Variants in NRROS observed in about 807,000 individuals in gnomAD.
NRROS encodes transforming growth factor beta activator LRRC33.
NRROS carries 6 observed loss-of-function variants against 12.0 expected under a neutral mutation model. The ratio of observed to expected loss-of-function variants is 0.50; its 90% CI spans 0.27 to 0.98. The LOEUF is 0.98. Ranked by LOEUF, NRROS falls within the 50% of genes least tolerant of loss-of-function variation. NRROS has a pLI of 0.11. For synonymous variants in NRROS, 462 were observed against 410.2 expected (o/e 1.13, Z -1.53); for missense variants, 857 against 888.2 (o/e 0.96, Z 0.45).
At position 196,660,272 on chromosome 3, in the gene NRROS, T is replaced by C. The variant is rs749650932; in HGVS notation, c.629T>C (p.Leu210Pro). The C allele has an allele frequency of 1.9e-6, 3 of 1,613,782 alleles. No individual in the cohort carries two copies. Among genetic ancestry groups the C allele is most frequent in the Non-Finnish European group, 2.5e-6 (3 of 1,180,046 alleles). ...GACGGCCTGGCTGAGCTGAGGCACC[T>C]CAACCTGGCCTTCAACAACCTCCCC... ...AFDGLAELRH[L>P]NLAFNNLPCI... The change falls in exon 3 of 3, where the codon CTC (leucine) becomes CCC (proline). Residue 210 changes from leucine to proline, a missense_variant. Physicochemically the swap from Leu to Pro is moderately conservative, Grantham distance 98. Coordinates refer to ENST00000328557, the MANE Select transcript of NRROS (RefSeq NM_198565.3). This position sits in a 1 kb window ranked among gnomAD's most constrained non-coding sequence, Gnocchi z 7.7.
Position 196,661,049 on chromosome 3 carries a change from T to A in NRROS, c.1406T>A (p.Leu469Gln). Residue 469 changes from leucine to glutamine, a missense_variant, in exon 3 of 3, where the codon CTG becomes CAG. Coordinates refer to ENST00000328557, the MANE Select transcript of NRROS (RefSeq NM_198565.3). ...ATGGCATCTTTAAGGAGCCTGTCTCTGGAGGGCTGTGGCCTGGGGGCATTG... is the reference window on the plus strand; with the variant it reads ...ATGGCATCTTTAAGGAGCCTGTCTCAGGAGGGCTGTGGCCTGGGGGCATTG... ...RNMASLRSLSLEGCGLGALPD... is the reference protein window; with the variant it reads ...RNMASLRSLSQEGCGLGALPD... The A allele has an allele frequency of 6.2e-7, 1 of 1,614,178 alleles. No individual in the cohort carries two copies. Among genetic ancestry groups the A allele is most frequent in the Non-Finnish European group, 8.5e-7 (1 of 1,180,026 alleles).
chr3:196,658,910 C>T (rs1034307631), intron 2 of NRROS, among the ~76,000 whole-genome samples: 4 of 152,262 alleles, frequency 2.6e-5, no homozygotes, highest in South Asian at 2.1e-4. Context: ...GCAGAGATTG[C>T]AGTGAGCTGA....
chr3:196,659,455 C>G (rs1316922896), intron 2 of NRROS, among the ~76,000 whole-genome samples: 3 of 151,852 alleles, frequency 2.0e-5, no homozygotes, highest in Non-Finnish European at 4.4e-5. Flanking sequence ...TTACAGGTGT[C>G]CACCACCACA....
chr3:196,660,163 G>A lies in NRROS; in HGVS notation c.520G>A (p.Asp174Asn), dbSNP rs554332354. 6.1e-5 allele frequency: 98 copies of A among 1,612,868 alleles called. No individual in the cohort carries two copies. The highest frequency in any genetic ancestry group is 8.2e-5 in the Non-Finnish European group (97 of 1,180,020). ...LAGNTIMRLD[D>N]SVFEGLERLR... ...GGGGAACACCATCATGCGGCTGGAC[G>A]ACTCCGTCTTCGAGGGCCTGGAGCG... Residue 174 changes from aspartate (D) to asparagine (N), a missense_variant, in exon 3 of 3, where the codon GAC becomes AAC. Coordinates refer to ENST00000328557, the MANE Select transcript of NRROS (RefSeq NM_198565.3). This position sits in a 1 kb window ranked among gnomAD's most constrained non-coding sequence, Gnocchi z 7.7.
chr3:196,659,203 T>C (rs1737606602), intron 2 of NRROS, among the ~76,000 whole-genome samples: 1 of 151,380 alleles, frequency 6.6e-6, no homozygotes, highest in Non-Finnish European at 1.5e-5. Flanking sequence ...AGCCCTGGGC[T>C]CCAGTCCCGG....
Position 196,660,358 on chromosome 3 carries a change from G to C in NRROS, c.715G>C (p.Glu239Gln), listed in dbSNP as rs1294648422. 2.5e-6 allele frequency: 4 copies of C among 1,613,974 alleles called. No homozygotes were observed. The highest frequency in any genetic ancestry group is 1.7e-5 in the Admixed American group (1 of 59,986). ...CCTCAACGTCAGCTACAACGTCCTG[G>C]AGTGGTTCCTCGCGACCGGGGGAGA... ...RVLNVSYNVL[E>Q]WFLATGGEAA... The change falls in exon 3 of 3, where the codon GAG becomes CAG. Residue 239 changes from glutamate to glutamine, a missense_variant. Transcript: ENST00000328557. The surrounding 1 kb of genome is among the most constrained non-coding windows in gnomAD (Gnocchi z 7.7).
chr3:196,661,466 A>T lies in NRROS; in HGVS notation c.1823A>T (p.Gln608Leu). The change falls in exon 3 of 3, where the codon CAG becomes CTG. Residue 608 changes from glutamine (Q) to leucine (L), a missense_variant. Transcript: ENST00000328557. ...GGGGTGGATGGCTGGGGGGCCCTGC[A>T]GCATGGGCAGACGGTGGCCGACTGG... ...CCGVDGWGAL[Q>L]HGQTVADWAM... 6.2e-7 allele frequency: 1 copy of T among 1,602,386 alleles called. No individual in the cohort carries two copies. The highest frequency in any genetic ancestry group is 8.5e-7 in the Non-Finnish European group (1 of 1,172,384).
In NRROS at chr3:196,660,843, C is replaced by T. The variant is rs770749513; in HGVS notation, c.1200C>T (p.Cys400=). 4 of 1,613,734 alleles carry T rather than the reference C, an allele frequency of 2.5e-6. No homozygotes were observed. Among genetic ancestry groups the T allele is most frequent in the Non-Finnish European group, 2.5e-6 (3 of 1,180,032 alleles). ...ELHLAPGLAS[C]LGSLRLFNLS... is the part of the protein sequence containing the mutation. ...ACCTGGCTCCGGGGCTGGCCAGCTG[C>T]CTGGGCAGCCTGCGCTTGTTCAACC... Residue 400 remains cysteine, a synonymous_variant, in exon 3 of 3, where the codon TGC becomes TGT. Transcript: ENST00000328557. The surrounding 1 kb of genome is among the most constrained non-coding windows in gnomAD (Gnocchi z 7.7).
At chr3:196,648,899 C>G (rs1328979789) in intron 1 of NRROS, among the ~76,000 whole-genome samples, 1 of 151,652 alleles carries the variant, frequency 6.6e-6, no homozygotes, top group Non-Finnish European at 1.5e-5. Context: ...CTTTGATTTT[C>G]AAGACTGACT....
intron 1 of NRROS, among the ~76,000 whole-genome samples, chr3:196,640,396 G>T (rs541123380): frequency 6.6e-6 from 1 of 152,324 alleles, no homozygotes; most frequent in East Asian, 1.9e-4. Flanking sequence ...CTGGTTAACA[G>T]CAACACCTAT....
rs951347312 is a variant in NRROS at position 196,661,877 on chromosome 3, G to A, written c.*155G>A. The A allele has an allele frequency of 3.2e-4, 129 of 405,474 alleles. 1 individual carries two copies. Among genetic ancestry groups the A allele is most frequent in the South Asian group, 2.1e-3 (30 of 14,032 alleles). The allele number at this position is 405,474 out of a possible 1,614,324, so 25.1% of individuals were successfully genotyped here. A position where few individuals can be genotyped will look rare whatever the true frequency, so the allele number is the denominator to read the frequency against. On this transcript the variant is annotated 3_prime_UTR_variant, in exon 3 of 3. Coordinates refer to ENST00000328557, the MANE Select transcript of NRROS (RefSeq NM_198565.3). ...ATTCCTCATCGCCCACCCCACCCCC[G>A]CCCCCACCACCGCCCAAGTTCTTTT...
chr3:196,656,527 G>A (rs1185308112), intron 2 of NRROS, among the ~76,000 whole-genome samples: 1 of 152,188 alleles, frequency 6.6e-6, no homozygotes, highest in African/African-American at 2.4e-5. Context: ...GATTAAATGG[G>A]TTAATACATG....
chr3:196,657,505 C>T (rs548513789), intron 2 of NRROS, among the ~76,000 whole-genome samples: 182 of 152,080 alleles, frequency 1.2e-3, no homozygotes, highest in African/African-American at 2.4e-3. Context: ...GTGGATCACC[C>T]GAGGTCAGGG....
chr3:196,651,767 A>G (rs1737432745), intron 1 of NRROS, among the ~76,000 whole-genome samples: 1 of 152,160 alleles, frequency 6.6e-6, no homozygotes, highest in African/African-American at 2.4e-5. Flanking sequence ...ACTCCGTCTC[A>G]AAAAACAAAA....
chr3:196,661,608 C>T lies in NRROS; in HGVS notation c.1965C>T (p.Leu655=), dbSNP rs1737684721. 3.7e-6 allele frequency: 6 copies of T among 1,613,490 alleles called. No individual in the cohort carries two copies. Among genetic ancestry groups the T allele is most frequent in the Non-Finnish European group, 5.1e-6 (6 of 1,180,020 alleles). The change falls in exon 3 of 3, where the codon CTC becomes CTT. Residue 655 remains leucine, a synonymous_variant. Transcript: ENST00000328557. ...RLDLGLLYLV[L]ILPSCLTLLV... ...ACCTGGGCCTGCTCTACCTCGTGCT[C>T]ATCCTCCCCAGCTGCCTCACCCTGC...
At chr3:196,646,725 C>A (rs1048558470) in intron 1 of NRROS, among the ~76,000 whole-genome samples, 14 of 152,204 alleles carry the variant, frequency 9.2e-5, no homozygotes, top group Admixed American at 5.9e-4. Flanking sequence ...TGAATCCCCC[C>A]CCGATGGAGG....
rs750339010 is a variant in NRROS at position 196,660,249 on chromosome 3, C to G, written c.606C>G (p.Asp202Glu). 3 of 1,613,798 alleles carry G rather than the reference C, an allele frequency of 1.9e-6. No individual in the cohort carries two copies. The highest frequency in any genetic ancestry group is 4.5e-5 in the East Asian group (2 of 44,888). ...YIFEIEGGAF[D>E]GLAELRHLNL... Reference sequence around the variant, plus strand: ...TCGAGATCGAGGGCGGCGCTTTCGACGGCCTGGCTGAGCTGAGGCACCTCA... The same window carrying G: ...TCGAGATCGAGGGCGGCGCTTTCGAGGGCCTGGCTGAGCTGAGGCACCTCA... The change falls in exon 3 of 3, where the codon GAC becomes GAG. Residue 202 changes from aspartate (D) to glutamate (E), a missense_variant. Asp to Glu is a conservative substitution (Grantham distance 45, BLOSUM62 2). Coordinates refer to ENST00000328557, the MANE Select transcript of NRROS (RefSeq NM_198565.3). The surrounding 1 kb of genome is among the most constrained non-coding windows in gnomAD (Gnocchi z 7.7).
At position 196,659,748 on chromosome 3, in the gene NRROS, G is replaced by A. The variant is rs199961460; in HGVS notation, c.109-4G>A. On this transcript the variant is annotated splice_region_variant and splice_polypyrimidine_tract_variant and intron_variant, in intron 2 of 2. Transcript: ENST00000328557. ...GCTGCTGACCGGTGTGGTTTTGGCC[G>A]CAGGTGGGTGGAGCCGCTGACTGCC... 1.7e-5 allele frequency: 28 copies of A among 1,602,412 alleles called. No homozygotes were observed. Among genetic ancestry groups the A allele is most frequent in the East Asian group, 2.2e-5 (1 of 44,626 alleles).
chr3:196,642,544 A>G (rs1204251991), intron 1 of NRROS, among the ~76,000 whole-genome samples: 5 of 152,172 alleles, frequency 3.3e-5, no homozygotes, highest in Middle Eastern at 3.2e-3. Flanking sequence ...TCTCCTTTCC[A>G]TGAGTTCTAG....
Sources: allele counts gnomAD v4.1 joint callset (sites outside exome capture counted in the v4.1 genomes callset), GRCh38; gene constraint gnomAD v4.1.1; non-coding constraint Gnocchi (gnomAD v3.1); transcripts MANE v1.5; gene names NCBI Gene and HGNC (gene_info 2026-07-23, HGNC 2026-07-21).